PCDHA7: variants seen among roughly 807,000 people sequenced by gnomAD.
PCDHA7 encodes the protein protocadherin alpha-7.
Under a neutral mutation model 57.2 loss-of-function variants are expected in PCDHA7, and 37 were observed. That is an observed-to-expected ratio of 0.65 (90% CI 0.50 to 0.85). PCDHA7 has a LOEUF of 0.85. Among genes scored for constraint, PCDHA7 ranks in the 40% least tolerant of loss-of-function variants. The pLI is 0.00. For synonymous variants in PCDHA7, 553 were observed against 558.8 expected (o/e 0.99, Z 0.15); for missense variants, 1,188 against 1,241.8 (o/e 0.96, Z 0.65).
rs2082774108 is a variant in PCDHA7 at position 140,868,572 on chromosome 5, C to T, written c.2355+31834C>T. 4 of 152,854 alleles carry T rather than the reference C, an allele frequency of 2.6e-5. No individual in the cohort carries two copies. In the South Asian group the frequency reaches 6.2e-4, roughly 24 times the overall value. 9.5% of individuals were successfully genotyped at this position (152,854 alleles called of 1,614,324 possible). ...TAGTATTTTTATATGAGGAACAACA[C>T]TTTCAGGAAATGTTTAACCCTAGTT... On this transcript the variant is annotated intron_variant, in intron 1 of 3. Coordinates refer to ENST00000525929, the MANE Select transcript of PCDHA7 (RefSeq NM_018910.3).
intron 1 of PCDHA7, chr5:140,842,175 T>A (rs2150330904): frequency 1.2e-6 from 2 of 1,613,894 alleles, no homozygotes; most frequent in South Asian, 2.2e-5. Flanking sequence ...AATAGCCTTG[T>A]TGAAACTATG....
chr5:140,870,974 G>C, intron 1 of PCDHA7: 5 of 1,613,628 alleles, frequency 3.1e-6, no homozygotes, highest in Non-Finnish European at 4.2e-6. Context: ...TTCCGCGTGG[G>C]GCTGTACACG....
intron 1 of PCDHA7, chr5:140,847,531 C>G (rs1562439566): frequency 6.7e-6 from 1 of 149,400 alleles, no homozygotes. Context: ...GGAAAAGAAT[C>G]TCAAGCATAG....
intron 1 of PCDHA7, chr5:140,870,022 T>G (rs1554163715): frequency 6.2e-7 from 1 of 1,613,310 alleles, no homozygotes; most frequent in Admixed American, 1.7e-5. Context: ...CAATGGAACT[T>G]TAGATTATGA....
intron 1 of PCDHA7, among the ~76,000 whole-genome samples, chr5:140,941,183 T>C (rs2092749314): frequency 8.3e-6 from 1 of 120,094 alleles, no homozygotes; most frequent in African/African-American, 3.0e-5. Flanking sequence ...AACATCCTGC[T>C]TCTTTTTTTT....
At chr5:140,999,476 A>G (rs1209910607) in intron 3 of PCDHA7, among the ~76,000 whole-genome samples, 6 of 152,124 alleles carry the variant, frequency 3.9e-5, no homozygotes, top group African/African-American at 1.2e-4. Flanking sequence ...GCAGATTCCA[A>G]CTCAAGTCTA....
At chr5:140,843,912 C>T in intron 1 of PCDHA7, 1 of 634,402 alleles carries the variant, frequency 1.6e-6, no homozygotes, top group East Asian at 2.9e-5. Flanking sequence ...CAAGTTGGGT[C>T]TATCTTGAAA....
chr5:140,872,816 T>C (rs1204141018), intron 1 of PCDHA7, among the ~76,000 whole-genome samples: 2 of 152,190 alleles, frequency 1.3e-5, no homozygotes, highest in African/African-American at 4.8e-5. Context: ...GTTTTTCAGA[T>C]TCATCTAGCA....
chr5:141,001,867 A>C (rs2153971805), intron 3 of PCDHA7, among the ~76,000 whole-genome samples: 1 of 152,348 alleles, frequency 6.6e-6, no homozygotes, highest in Admixed American at 6.5e-5. Context: ...ATTGATGCCC[A>C]AAACCAAGAA....
At chr5:140,912,200 T>C (rs191284675) in intron 1 of PCDHA7, among the ~76,000 whole-genome samples, 123 of 152,280 alleles carry the variant, frequency 8.1e-4, no homozygotes, top group African/African-American at 2.8e-3. Flanking sequence ...CCCACCCAGA[T>C]TGAGGGTAGA....
Position 140,835,250 on chromosome 5 carries a change from A to G in PCDHA7, c.867A>G (p.Ile289Met), listed in dbSNP as rs1313960035. 30 of 1,605,300 alleles carry G rather than the reference A, an allele frequency of 1.9e-5. No individual in the cohort carries two copies. In the African/African-American group the frequency reaches 3.1e-4, roughly 17 times the overall value. ...TCTCCAGTGATGTTTCTCCAGATAT[A>G]AAATCCAAGTTCCACATGGACCCCT... ...YSFSSDVSPD[I>M]KSKFHMDPLS... The change falls in exon 1 of 4, where the codon ATA becomes ATG. Residue 289 changes from isoleucine to methionine, a missense_variant. Ile to Met is a conservative substitution (Grantham distance 10). This residue lies in a region of PCDHA7 where 102 missense variants were observed against 267.4 expected (regional missense o/e 0.38). Transcript: ENST00000525929.
chr5:140,965,259 A>G (rs1257686866), intron 1 of PCDHA7, among the ~76,000 whole-genome samples: 1 of 152,218 alleles, frequency 6.6e-6, no homozygotes, highest in African/African-American at 2.4e-5. Context: ...AGAACTGAGC[A>G]GCAGAGGCAA....
chr5:140,859,907 T>G (rs982789282), intron 1 of PCDHA7: 3 of 150,386 alleles, frequency 2.0e-5, no homozygotes, highest in African/African-American at 5.0e-5. Context: ...CCTTAATGTC[T>G]TATATTATAA....
chr5:140,884,113 G>A, intron 1 of PCDHA7: 2 of 1,613,388 alleles, frequency 1.2e-6, no homozygotes, highest in Non-Finnish European at 1.7e-6. Context: ...AGCTGGCGGC[G>A]GTCGGCGCGC....
intron 1 of PCDHA7, among the ~76,000 whole-genome samples, chr5:140,906,089 A>G (rs13182228): frequency 0.33 from 49,632 of 151,980 alleles, 8,394 homozygotes; most frequent in East Asian, 0.53. Flanking sequence ...CCAGACTGAG[A>G]GTAAGTGTGT....
intron 1 of PCDHA7, among the ~76,000 whole-genome samples, chr5:140,970,698 A>G (rs2096425914): frequency 6.6e-6 from 1 of 152,228 alleles, no homozygotes; most frequent in Non-Finnish European, 1.5e-5. Flanking sequence ...TTTTAGAGCT[A>G]CTACACAATG....
At chr5:140,921,676 T>A (rs2080324583) in intron 1 of PCDHA7, among the ~76,000 whole-genome samples, 1 of 152,178 alleles carries the variant, frequency 6.6e-6, no homozygotes, top group South Asian at 2.1e-4. Flanking sequence ...ACAGTTATCA[T>A]CAAACACTGG....
At chr5:140,939,441 T>A (rs1471285631) in intron 1 of PCDHA7, among the ~76,000 whole-genome samples, 1 of 152,274 alleles carries the variant, frequency 6.6e-6, no homozygotes, top group East Asian at 1.9e-4. Flanking sequence ...TTTGAAGAAT[T>A]AAGAGTGAAA....
chr5:140,839,374 AATT>A lies in PCDHA7; in HGVS notation c.2355+2642_2355+2644del, dbSNP rs2150296854. Among the ~76,000 whole-genome samples the A allele has an allele frequency of 6.0e-3, 174 of 29,192 alleles. 2 individuals carry two copies. In the South Asian group the frequency reaches 0.16, roughly 27 times the overall value. The allele number at this position is 29,192 out of a possible 152,430, so 19.2% of individuals were successfully genotyped here. On this transcript the variant is annotated intron_variant, in intron 1 of 3. Coordinates refer to ENST00000525929, the MANE Select transcript of PCDHA7 (RefSeq NM_018910.3). ...CTTAGCCACCTAAGCTGTATTCATC[AATT>A]ATTATGATGATGATGATGATTATTA...
Sources: gnomAD v4.1 joint callset for allele counts (sites outside exome capture counted in the v4.1 genomes callset) on GRCh38, gnomAD v4.1.1 for gene constraint, gnomAD v4.1.1 regional missense constraint, MANE v1.5 for transcripts, NCBI Gene and HGNC (gene_info 2026-07-23, HGNC 2026-07-21) for gene names.